The following CIMIP2C variants were observed in gnomAD, a reference collection of about 807,000 sequenced individuals.
CIMIP2C encodes the protein UPF0573 protein C2orf70.
chr2:26,565,565 G>A, the CIMIP2C span, among the ~76,000 whole-genome samples: 3 of 152,146 alleles, frequency 2.0e-5, no homozygotes, highest in Admixed American at 6.5e-5. Flanking sequence ...AGCAGGGAGG[G>A]AATGGGGTCG....
At chr2:26,569,772 G>A in the CIMIP2C span, among the ~76,000 whole-genome samples, 345 of 152,250 alleles carry the variant, frequency 2.3e-3, 1 homozygote, top group African/African-American at 7.7e-3. Flanking sequence ...CAGGGTGGTG[G>A]ATGGGAGCAG....
chr2:26,562,678 C>A, the CIMIP2C span: 1 of 1,574,252 alleles, frequency 6.4e-7, no homozygotes, highest in Non-Finnish European at 8.6e-7. Flanking sequence ...CCCCTGGACT[C>A]ATGCCCGGGT....
the CIMIP2C span, among the ~76,000 whole-genome samples, chr2:26,577,159 G>T: frequency 6.6e-6 from 1 of 152,226 alleles, no homozygotes; most frequent in African/African-American, 2.4e-5. Flanking sequence ...GGAGAGGGGG[G>T]AGGAAACACA....
At chr2:26,566,332 C>T in the CIMIP2C span, among the ~76,000 whole-genome samples, 11 of 152,194 alleles carry the variant, frequency 7.2e-5, no homozygotes, top group Non-Finnish European at 1.2e-4. Context: ...GGCCTCTGGT[C>T]CTAAAATCAG....
chr2:26,579,420 C>G, the CIMIP2C span: 1 of 1,613,972 alleles, frequency 6.2e-7, no homozygotes, highest in South Asian at 1.1e-5. Context: ...GAGACTGCTA[C>G]TTTGAGTTCA....
the CIMIP2C span, among the ~76,000 whole-genome samples, chr2:26,573,744 C>T: frequency 2.6e-5 from 4 of 152,178 alleles, no homozygotes; most frequent in African/African-American, 7.2e-5. Flanking sequence ...TCAAGGGCGG[C>T]GCCTCTGTGG....
At chr2:26,571,546 C>A in the CIMIP2C span, among the ~76,000 whole-genome samples, 1 of 152,168 alleles carries the variant, frequency 6.6e-6, no homozygotes, top group Admixed American at 6.5e-5. Context: ...GTGTTCCCAG[C>A]ACTTAGTATG....
chr2:26,571,764 A>G, the CIMIP2C span, among the ~76,000 whole-genome samples: 1 of 152,140 alleles, frequency 6.6e-6, no homozygotes, highest in African/African-American at 2.4e-5. Flanking sequence ...TCAGGGTGGT[A>G]TGGCTGTAGA....
At chr2:26,577,982 C>A in the CIMIP2C span, 1 of 279,888 alleles carries the variant, frequency 3.6e-6, no homozygotes, top group African/African-American at 2.2e-5. Flanking sequence ...CGATGCAGAG[C>A]GCAGTAAGGA....
At chr2:26,567,592 G>C in the CIMIP2C span, among the ~76,000 whole-genome samples, 2 of 152,200 alleles carry the variant, frequency 1.3e-5, no homozygotes, top group African/African-American at 4.8e-5. Context: ...CTTGGGAAGG[G>C]AGGGTTCCAA....
chr2:26,579,083 G>GGGTTA, the CIMIP2C span: 2 of 593,036 alleles, frequency 3.4e-6, no homozygotes, highest in African/African-American at 1.9e-5. Context: ...AGGTCTGTCT[G>GGGTTA]ACATCTGTGT....
the CIMIP2C span, among the ~76,000 whole-genome samples, chr2:26,564,325 A>G: frequency 0.98 from 149,079 of 152,340 alleles, 73,029 homozygotes; most frequent in East Asian, 1. Context: ...ACCCTGCCCC[A>G]CAGTTCCCCA....
chr2:26,576,664 C>T, the CIMIP2C span, among the ~76,000 whole-genome samples: 2 of 152,236 alleles, frequency 1.3e-5, no homozygotes, highest in Admixed American at 6.5e-5. Context: ...TCACCCCTCC[C>T]TGCCCTGCAG....
At chr2:26,577,973 G>A in the CIMIP2C span, 2 of 297,508 alleles carry the variant, frequency 6.7e-6, no homozygotes, top group East Asian at 1.8e-4. Flanking sequence ...CGTGGGCGCC[G>A]ATGCAGAGCG....
chr2:26,579,424 GAGTTCAGAGCATGAGACTTTT>G, the CIMIP2C span: 2 of 1,613,796 alleles, frequency 1.2e-6, no homozygotes, highest in Non-Finnish European at 1.7e-6. Flanking sequence ...CTGCTACTTT[GAGTTCAGAGCATGAGACTTTT>G]AGTTCAGAGC....
the CIMIP2C span, among the ~76,000 whole-genome samples, chr2:26,567,133 A>G: frequency 2.9e-4 from 44 of 152,370 alleles, no homozygotes; most frequent in African/African-American, 1.0e-3. Flanking sequence ...CACTGCCTGT[A>G]GCCCACTACT....
the CIMIP2C span, among the ~76,000 whole-genome samples, chr2:26,565,429 G>A: frequency 3.3e-4 from 50 of 152,272 alleles, no homozygotes; most frequent in Middle Eastern, 3.4e-3. Context: ...ACCCAGATGA[G>A]GAATGAGCAG....
chr2:26,566,992 C>T, the CIMIP2C span, among the ~76,000 whole-genome samples: 6 of 152,176 alleles, frequency 3.9e-5, no homozygotes, highest in Non-Finnish European at 7.4e-5. Context: ...TTATAGAAGC[C>T]AACATGCCTG....
chr2:26,572,969 T>G, the CIMIP2C span, among the ~76,000 whole-genome samples: 1 of 152,360 alleles, frequency 6.6e-6, no homozygotes, highest in South Asian at 2.1e-4. Context: ...TTGATTAAGC[T>G]TCATCTACAG....
Sources: allele counts gnomAD v4.1 joint callset (sites outside exome capture counted in the v4.1 genomes callset), GRCh38; gene constraint gnomAD v4.1.1; transcripts MANE v1.5; gene names NCBI Gene and HGNC (gene_info 2026-07-23, HGNC 2026-07-21).